RNF180: variants seen among roughly 807,000 people sequenced by gnomAD.
The protein encoded by RNF180 is E3 ubiquitin-protein ligase RNF180.
Under a neutral mutation model 59.2 loss-of-function variants are expected in RNF180, and 38 were observed. The ratio of observed to expected loss-of-function variants is 0.64; its 90% confidence interval spans 0.50 to 0.84. The LOEUF is 0.84. Ranked by LOEUF, RNF180 falls within the 40% of genes least tolerant of loss-of-function variation. RNF180 has a pLI of 0.00. For missense variants in RNF180, 705 were observed against 700.9 expected (o/e 1.01, Z -0.07); for synonymous variants, 262 against 240.3 (o/e 1.09, Z -0.84).
chr5:64,356,406 A>C (rs1046610701), intron 7 of RNF180, among the ~76,000 whole-genome samples: 1 of 151,956 alleles, frequency 6.6e-6, no homozygotes, highest in Non-Finnish European at 1.5e-5. Flanking sequence ...TAAAATGTTA[A>C]TAAGGAGAAA....
At chr5:64,344,510 A>G (rs1215743336) in intron 7 of RNF180, among the ~76,000 whole-genome samples, 2 of 143,692 alleles carry the variant, frequency 1.4e-5, no homozygotes, top group African/African-American at 5.5e-5. Flanking sequence ...CAACACATCT[A>G]TCTCAGGAAC....
chr5:64,179,946 C>T (rs1021518000), intron 1 of RNF180, among the ~76,000 whole-genome samples: 9 of 152,200 alleles, frequency 5.9e-5, no homozygotes, highest in African/African-American at 1.2e-4. Context: ...TGAGTGTGAA[C>T]GGGAACCTTG....
intron 5 of RNF180, among the ~76,000 whole-genome samples, chr5:64,295,642 T>C (rs913992863): frequency 1.3e-5 from 2 of 152,202 alleles, no homozygotes; most frequent in Admixed American, 1.3e-4. Context: ...TAAAGTAGTA[T>C]CAGGTAAACT....
intron 1 of RNF180, among the ~76,000 whole-genome samples, chr5:64,193,992 T>C (rs1446535690): frequency 6.6e-6 from 1 of 152,174 alleles, no homozygotes; most frequent in Non-Finnish European, 1.5e-5. Flanking sequence ...AGAGACACAC[T>C]TTAAAGTTAC....
intron 5 of RNF180, among the ~76,000 whole-genome samples, chr5:64,281,247 TGAAG>T (rs1741996601): frequency 6.6e-6 from 1 of 152,066 alleles, no homozygotes; most frequent in Non-Finnish European, 1.5e-5. Context: ...ATATCATCCA[TGAAG>T]ATAGTTTGAC....
At chr5:64,172,276 A>C (rs971292421) in intron 1 of RNF180, among the ~76,000 whole-genome samples, 4 of 152,152 alleles carry the variant, frequency 2.6e-5, no homozygotes, top group Non-Finnish European at 5.9e-5. Context: ...TTAATGTACA[A>C]AAAGGATTAC....
chr5:64,169,723 A>G (rs1187966349), intron 1 of RNF180, among the ~76,000 whole-genome samples: 1 of 152,220 alleles, frequency 6.6e-6, no homozygotes, highest in East Asian at 1.9e-4. Flanking sequence ...TACCAACTGC[A>G]AAGACTCCTC....
chr5:64,226,449 G>C (rs1741764406), intron 5 of RNF180, among the ~76,000 whole-genome samples: 1 of 152,152 alleles, frequency 6.6e-6, no homozygotes. Flanking sequence ...TTGTTAAACA[G>C]ATGCTTGAAG....
intron 5 of RNF180, among the ~76,000 whole-genome samples, chr5:64,250,608 CATA>C (rs1346083441): frequency 6.6e-6 from 1 of 151,962 alleles, no homozygotes; most frequent in African/African-American, 2.4e-5. Flanking sequence ...TACAGAGGAT[CATA>C]AGACACTATT....
intron 5 of RNF180, among the ~76,000 whole-genome samples, chr5:64,272,766 A>G (rs1434119899): frequency 2.0e-5 from 3 of 152,034 alleles, no homozygotes; most frequent in Non-Finnish European, 2.9e-5. Flanking sequence ...AGTTGGGAAG[A>G]AATGTCAAGG....
chr5:64,212,557 C>T (rs917694510), intron 3 of RNF180, among the ~76,000 whole-genome samples: 1 of 151,996 alleles, frequency 6.6e-6, no homozygotes, highest in East Asian at 1.9e-4. Flanking sequence ...TTGTATTTCC[C>T]AGCACCAAGA....
intron 5 of RNF180, among the ~76,000 whole-genome samples, chr5:64,288,206 G>A (rs1376926565): frequency 6.6e-6 from 1 of 152,088 alleles, no homozygotes; most frequent in Non-Finnish European, 1.5e-5. Context: ...AAGATCAGAT[G>A]GTTGAAGGTG....
At chr5:64,258,057 G>A (rs1377558135) in intron 5 of RNF180, among the ~76,000 whole-genome samples, 2 of 152,172 alleles carry the variant, frequency 1.3e-5, no homozygotes, top group Non-Finnish European at 2.9e-5. Context: ...AGGGTCAGAA[G>A]GGATTTCTTC....
intron 5 of RNF180, among the ~76,000 whole-genome samples, chr5:64,303,372 A>G (rs532184937): frequency 6.6e-6 from 1 of 151,844 alleles, no homozygotes; most frequent in Non-Finnish European, 1.5e-5. Flanking sequence ...TAGTAAGCTT[A>G]GTGAGCAAGG....
chr5:64,229,426 T>TA (rs1741981980), intron 5 of RNF180, among the ~76,000 whole-genome samples: 1 of 152,170 alleles, frequency 6.6e-6, no homozygotes, highest in Non-Finnish European at 1.5e-5. Context: ...AAGAACTTCA[T>TA]TTACTAGGGT....
intron 1 of RNF180, among the ~76,000 whole-genome samples, chr5:64,175,311 A>G (rs1190998106): frequency 1.3e-5 from 2 of 151,942 alleles, no homozygotes; most frequent in Admixed American, 1.3e-4. Flanking sequence ...ATGGTAGAAG[A>G]CGGGGGTTTA....
At chr5:64,255,381 G>A (rs983803981) in intron 5 of RNF180, among the ~76,000 whole-genome samples, 1 of 152,102 alleles carries the variant, frequency 6.6e-6, no homozygotes, top group Admixed American at 6.6e-5. Context: ...CCTGGTGTGT[G>A]ATCTTCCCCT....
Position 64,166,330 on chromosome 5 carries a change from T to TGACA in RNF180, c.-1+379_-1+380insCAGA, listed in dbSNP as rs575016278. 4.0e-3 allele frequency: 612 copies of TGACA among 152,644 alleles called. 7 individuals are homozygous for TGACA. The highest frequency in any genetic ancestry group is 3.9e-3 in the Non-Finnish European group (265 of 68,300). The allele number at this position is 152,644 out of a possible 1,614,324, so 9.5% of individuals were successfully genotyped here. ...TCCAGTACTGAACCCTCTCCAGGTC[T>TGACA]GAGGTGGGGAACTGCGTCTTGTTTA... On this transcript the variant is annotated intron_variant, in intron 1 of 7. Transcript: ENST00000389100.
intron 1 of RNF180, 191 bp downstream of exon 1, chr5:64,166,144 G>C (rs1749622127): frequency 6.6e-6 from 1 of 152,330 alleles, no homozygotes; most frequent in Non-Finnish European, 1.5e-5. Context: ...CTCAGGTGAC[G>C]CGGCCGCGGC....
Sources: gnomAD v4.1 joint callset for allele counts (sites outside exome capture counted in the v4.1 genomes callset) on GRCh38, gnomAD v4.1.1 for gene constraint, MANE v1.5 for transcripts, NCBI Gene and HGNC (gene_info 2026-07-23, HGNC 2026-07-21) for gene names.